Variants in FUT9 observed in about 807,000 individuals in gnomAD.
The protein encoded by FUT9 is 4-galactosyl-N-acetylglucosaminide 3-alpha-L-fucosyltransferase 9.
A neutral mutation model predicts 29.7 loss-of-function variants in FUT9; 15 were observed. The ratio of observed to expected loss-of-function variants is 0.51; its 90% CI spans 0.34 to 0.78. The LOEUF (loss-of-function observed/expected upper bound fraction) is 0.78, where lower values mean the gene tolerates loss of function less well. Ranked by LOEUF, FUT9 falls within the 30% of genes least tolerant of loss-of-function variation. The probability of loss-of-function intolerance (pLI) is 0.01; values close to 1 mark genes in which losing one functional copy is unlikely to be tolerated. For synonymous variants in FUT9, 169 were observed against 153.7 expected (o/e 1.10, Z -0.74); for missense variants, 319 against 425.4 (o/e 0.75, Z 2.20).
rs893376558 is a variant in FUT9 at position 96,212,767 on chromosome 6, A to G, written c.*8532A>G. On this transcript the variant is annotated 3_prime_UTR_variant, in exon 3 of 3. Coordinates refer to ENST00000302103, the MANE Select transcript of FUT9 (RefSeq NM_006581.4). ...ATTCCAAGACAATACGAATGTAGAG[A>G]AGAGATTTTTAAATGGAAAAAGTAA... 1 of 168,802 alleles carries G rather than the reference A, an allele frequency of 5.9e-6. No homozygotes were observed. Among genetic ancestry groups the G allele is most frequent in the African/African-American group, 2.4e-5 (1 of 41,538 alleles). The allele number at this position is 168,802 out of a possible 1,614,324, so 10.5% of individuals were successfully genotyped here. A position where few individuals can be genotyped will look rare whatever the true frequency, so the allele number is the denominator to read the frequency against.
At chr6:96,101,374 ACT>A (rs1275875964) in intron 1 of FUT9, among the ~76,000 whole-genome samples, 1 of 151,914 alleles carries the variant, frequency 6.6e-6, no homozygotes, top group African/African-American at 2.4e-5. Context: ...CCCCATCTCT[ACT>A]AAAAATACAA....
At chr6:96,064,696 T>C (rs1770933931) in intron 1 of FUT9, among the ~76,000 whole-genome samples, 1 of 152,188 alleles carries the variant, frequency 6.6e-6, no homozygotes, top group South Asian at 2.1e-4. Flanking sequence ...TATTTGTAAG[T>C]AGCTTCTATT....
chr6:96,184,470 G>T (rs947986670), intron 2 of FUT9, among the ~76,000 whole-genome samples: 22 of 151,576 alleles, frequency 1.5e-4, no homozygotes, highest in Middle Eastern at 3.4e-3. Flanking sequence ...CTCTGATCTT[G>T]GTTATTTCCT....
At chr6:96,103,225 G>A (rs1292976243) in intron 1 of FUT9, among the ~76,000 whole-genome samples, 1 of 151,966 alleles carries the variant, frequency 6.6e-6, no homozygotes, top group Non-Finnish European at 1.5e-5. Context: ...AAACATATAC[G>A]CGCGTGTGTG....
At chr6:96,100,136 G>T (rs1771561818) in intron 1 of FUT9, among the ~76,000 whole-genome samples, 1 of 151,950 alleles carries the variant, frequency 6.6e-6, no homozygotes, top group African/African-American at 2.4e-5. Flanking sequence ...CTTACTAGAG[G>T]TTGACCATGA....
chr6:96,053,552 C>CA (rs1770710394), intron 1 of FUT9, among the ~76,000 whole-genome samples: 1 of 151,928 alleles, frequency 6.6e-6, no homozygotes, highest in East Asian at 1.9e-4. Flanking sequence ...ACTAAAAATA[C>CA]AAAAAAGTTA....
intron 1 of FUT9, among the ~76,000 whole-genome samples, chr6:96,074,206 C>A (rs1407802282): frequency 6.6e-6 from 1 of 152,102 alleles, no homozygotes; most frequent in African/African-American, 2.4e-5. Context: ...ATGCAGCCTG[C>A]CTGGCAGCTG....
chr6:96,199,175 G>T (rs1024818231), intron 2 of FUT9, among the ~76,000 whole-genome samples: 1 of 152,064 alleles, frequency 6.6e-6, no homozygotes, highest in South Asian at 2.1e-4. Flanking sequence ...GCTATCTCTG[G>T]TGAGCTATAG....
At chr6:96,143,297 T>C (rs149659546) in intron 2 of FUT9, among the ~76,000 whole-genome samples, 1 of 152,188 alleles carries the variant, frequency 6.6e-6, no homozygotes. Context: ...GATCTTGGAC[T>C]TCCCTGCTTC....
At chr6:96,176,870 G>A (rs1407106472) in intron 2 of FUT9, among the ~76,000 whole-genome samples, 1 of 152,124 alleles carries the variant, frequency 6.6e-6, no homozygotes, top group Non-Finnish European at 1.5e-5. Context: ...CAGGGGTCTG[G>A]CTGTGACTGC....
At chr6:96,144,206 T>C (rs1772521802) in intron 2 of FUT9, among the ~76,000 whole-genome samples, 3 of 101,658 alleles carry the variant, frequency 3.0e-5, no homozygotes, top group Admixed American at 2.7e-4. Context: ...AGTTTCTAAA[T>C]CCTTTTTCTT....
intron 2 of FUT9, among the ~76,000 whole-genome samples, chr6:96,192,674 A>C (rs1474722024): frequency 1.6e-4 from 24 of 152,212 alleles, no homozygotes; most frequent in African/African-American, 5.8e-4. Flanking sequence ...GCTACCAATG[A>C]CTTTCTTCAC....
chr6:96,139,467 G>A (rs541494354), intron 2 of FUT9, among the ~76,000 whole-genome samples: 17 of 152,272 alleles, frequency 1.1e-4, no homozygotes, highest in African/African-American at 3.4e-4. Flanking sequence ...TCTGGAGGAC[G>A]GTGGCCTCCT....
chr6:96,048,579 A>G (rs771540482), intron 1 of FUT9, among the ~76,000 whole-genome samples: 11 of 152,318 alleles, frequency 7.2e-5, no homozygotes, highest in Non-Finnish European at 1.5e-4. Context: ...AGAAGGAGAG[A>G]ATAATGGAGA....
chr6:96,124,178 G>A (rs1469137246), intron 2 of FUT9, among the ~76,000 whole-genome samples: 1 of 129,988 alleles, frequency 7.7e-6, no homozygotes, highest in Non-Finnish European at 1.6e-5. Flanking sequence ...TTGAGACAGA[G>A]TTTGGCTCTG....
chr6:96,205,252 A>C lies in FUT9; in HGVS notation c.*1017A>C, dbSNP rs1773806796. 6.0e-6 allele frequency: 1 copy of C among 167,050 alleles called. No homozygotes were observed. The highest frequency in any genetic ancestry group is 2.4e-5 in the African/African-American group (1 of 41,448). The allele number at this position is 167,050 out of a possible 1,614,324, so 10.3% of individuals were successfully genotyped here. A position where few individuals can be genotyped will look rare whatever the true frequency, so the allele number is the denominator to read the frequency against. ...TCTATCATTTAAGAGAGCCTAAATA[A>C]AATTATCATCAAGGTATTAAATATA... is the stretch of plus-strand genomic sequence containing the variant. On this transcript the variant is annotated 3_prime_UTR_variant, in exon 3 of 3. Transcript: ENST00000302103.
At chr6:96,082,320 C>T (rs770700562) in intron 1 of FUT9, among the ~76,000 whole-genome samples, 6 of 151,610 alleles carry the variant, frequency 4.0e-5, no homozygotes, top group Non-Finnish European at 8.9e-5. Context: ...CCTCTTAAAA[C>T]AAGCTTTGAA....
chr6:96,163,442 T>A (rs1772951289), intron 2 of FUT9, among the ~76,000 whole-genome samples: 1 of 152,038 alleles, frequency 6.6e-6, no homozygotes, highest in Admixed American at 6.6e-5. Flanking sequence ...AACTTAAGAG[T>A]ATGTGCCTGT....
intron 1 of FUT9, among the ~76,000 whole-genome samples, chr6:96,049,150 C>T (rs762568760): frequency 2.0e-5 from 3 of 152,088 alleles, no homozygotes; most frequent in African/African-American, 4.8e-5. Context: ...TTTGATTGGT[C>T]TAAGTCAGAA....
Sources: gnomAD v4.1 joint callset for allele counts (sites outside exome capture counted in the v4.1 genomes callset) on GRCh38, gnomAD v4.1.1 for gene constraint, MANE v1.5 for transcripts, NCBI Gene and HGNC (gene_info 2026-07-23, HGNC 2026-07-21) for gene names.